The following NTM variants were observed in gnomAD, a reference collection of about 807,000 sequenced individuals.
The protein encoded by NTM is neurotrimin, also known as IgLON family member 2.
A neutral mutation model predicts 42.1 loss-of-function variants in NTM; 13 were observed. That is an observed-to-expected ratio of 0.31 (90% confidence interval 0.20 to 0.49). NTM has a LOEUF of 0.49. Ranked by LOEUF, NTM falls within the 20% of genes least tolerant of loss-of-function variation. NTM has a pLI of 0.99. For synonymous variants in NTM, 187 were observed against 179.2 expected, an observed-to-expected ratio of 1.04 and a Z score of -0.35; for missense variants, 373 against 452.8, an observed-to-expected ratio of 0.82 and a Z score of 1.60.
At chr11:132,071,258 C>A (rs1186355084) in intron 2 of NTM, among the ~76,000 whole-genome samples, 1 of 129,906 alleles carries the variant, frequency 7.7e-6, no homozygotes, top group Non-Finnish European at 1.6e-5. Context: ...CAAGTTAACA[C>A]GTCACACTGA....
intron 4 of NTM, among the ~76,000 whole-genome samples, chr11:132,264,609 A>G (rs3099805): frequency 0.89 from 134,708 of 152,144 alleles, 59,669 homozygotes; most frequent in East Asian, 0.91. Flanking sequence ...GTATATTTGC[A>G]TAAACCATCT....
At chr11:132,043,388 T>C (rs1033454035) in intron 2 of NTM, among the ~76,000 whole-genome samples, 7 of 152,364 alleles carry the variant, frequency 4.6e-5, no homozygotes, top group African/African-American at 1.4e-4. Context: ...ATGTGAGCCA[T>C]GTGCATTTCA....
intron 1 of NTM, among the ~76,000 whole-genome samples, chr11:131,780,879 C>A (rs1439918708): frequency 6.6e-6 from 1 of 151,954 alleles, no homozygotes; most frequent in Non-Finnish European, 1.5e-5. Flanking sequence ...TGGTTAAATA[C>A]AAAGAAAGAA....
intron 1 of NTM, among the ~76,000 whole-genome samples, chr11:131,766,666 G>A (rs1258313995): frequency 1.3e-5 from 2 of 152,088 alleles, no homozygotes; most frequent in Non-Finnish European, 2.9e-5. Flanking sequence ...CTGTCCTTGA[G>A]TTATTATTAT....
At chr11:131,762,235 G>T (rs2084329975) in intron 1 of NTM, among the ~76,000 whole-genome samples, 1 of 152,184 alleles carries the variant, frequency 6.6e-6, no homozygotes, top group Admixed American at 6.5e-5. Flanking sequence ...TTCCCATGTG[G>T]CTCAATAGAA....
chr11:131,730,826 T>C (rs2079581932), intron 1 of NTM, among the ~76,000 whole-genome samples: 1 of 152,110 alleles, frequency 6.6e-6, no homozygotes, highest in Admixed American at 6.5e-5. Flanking sequence ...TTCAAGGAGT[T>C]CTGTTAGAAT....
chr11:131,706,779 AAAAC>A (rs2076634995), intron 1 of NTM, among the ~76,000 whole-genome samples: 1 of 152,044 alleles, frequency 6.6e-6, no homozygotes, highest in Non-Finnish European at 1.5e-5. Flanking sequence ...TTAAAATCTT[AAAAC>A]AAACAAACAT....
At chr11:131,950,806 A>G (rs1416829045) in intron 2 of NTM, among the ~76,000 whole-genome samples, 1 of 152,078 alleles carries the variant, frequency 6.6e-6, no homozygotes, top group African/African-American at 2.4e-5. Context: ...CCCTTCTCTA[A>G]TCCTCCCACG....
intron 1 of NTM, among the ~76,000 whole-genome samples, chr11:131,531,415 C>T (rs755189470): frequency 5.9e-5 from 9 of 152,128 alleles, no homozygotes; most frequent in African/African-American, 1.2e-4. Context: ...CCTGAAGTGC[C>T]GGGATTACAG....
chr11:132,244,523 C>T (rs1400817463), intron 4 of NTM, among the ~76,000 whole-genome samples: 1 of 152,174 alleles, frequency 6.6e-6, no homozygotes, highest in Non-Finnish European at 1.5e-5. Flanking sequence ...TTCAGTACCC[C>T]ACTTTAAGAA....
At chr11:132,223,602 C>T (rs1423751842) in intron 4 of NTM, among the ~76,000 whole-genome samples, 1 of 152,226 alleles carries the variant, frequency 6.6e-6, no homozygotes, top group Non-Finnish European at 1.5e-5. Context: ...GGGCAGGAAG[C>T]ATGCCTATCC....
At chr11:131,420,462 G>T (rs779514094) in intron 1 of NTM, among the ~76,000 whole-genome samples, 4 of 152,184 alleles carry the variant, frequency 2.6e-5, no homozygotes, top group Non-Finnish European at 4.4e-5. Context: ...GAACCGTAAG[G>T]TCATAGATTT....
intron 1 of NTM, among the ~76,000 whole-genome samples, chr11:131,521,624 T>G (rs2049739890): frequency 6.6e-6 from 1 of 151,700 alleles, no homozygotes; most frequent in Non-Finnish European, 1.5e-5. Context: ...CAGCAAGAAC[T>G]CACTCATTAC....
intron 2 of NTM, among the ~76,000 whole-genome samples, chr11:132,145,688 A>G (rs990560235): frequency 6.6e-6 from 1 of 152,194 alleles, no homozygotes; most frequent in Non-Finnish European, 1.5e-5. Context: ...GAATAGCAAT[A>G]GTGGTGGTCT....
At chr11:131,407,540 G>A (rs1024084770) in intron 1 of NTM, among the ~76,000 whole-genome samples, 1 of 152,188 alleles carries the variant, frequency 6.6e-6, no homozygotes, top group Non-Finnish European at 1.5e-5. Flanking sequence ...GGTCAGCCAG[G>A]GGAGGAGGAG....
intron 2 of NTM, among the ~76,000 whole-genome samples, chr11:132,031,086 G>T (rs199665698): frequency 6.6e-6 from 1 of 152,112 alleles, no homozygotes; most frequent in Non-Finnish European, 1.5e-5. Flanking sequence ...TACAAACATC[G>T]TGCAGGCCAA....
chr11:132,230,346 A>G (rs747827276), intron 4 of NTM, among the ~76,000 whole-genome samples: 1 of 152,232 alleles, frequency 6.6e-6, no homozygotes, highest in Non-Finnish European at 1.5e-5. Flanking sequence ...TAATAATGTC[A>G]TATTATTATC....
intron 1 of NTM, among the ~76,000 whole-genome samples, chr11:131,503,675 A>G (rs933915516): frequency 6.7e-6 from 1 of 149,106 alleles, no homozygotes; most frequent in African/African-American, 2.5e-5. Flanking sequence ...GGCACACTCC[A>G]CTATGCCTGG....
chr11:132,321,685 A>G (rs2095572002), intron 7 of NTM, among the ~76,000 whole-genome samples: 1 of 151,846 alleles, frequency 6.6e-6, no homozygotes, highest in South Asian at 2.1e-4. Flanking sequence ...GAATGCCACA[A>G]AGATACTCCT....
Sources: gnomAD v4.1 joint callset for allele counts (sites outside exome capture counted in the v4.1 genomes callset) on GRCh38, gnomAD v4.1.1 for gene constraint, MANE v1.5 for transcripts, NCBI Gene and HGNC (gene_info 2026-07-23, HGNC 2026-07-21) for gene names.